Variants in RFC5 observed in about 807,000 individuals in gnomAD.
RFC5 encodes replication factor C subunit 5, also known as A1 36 kDa subunit.
RFC5 carries 26 observed loss-of-function variants against 44.3 expected under a neutral mutation model. That is an observed-to-expected ratio of 0.59 (90% confidence interval 0.43 to 0.81). The LOEUF is 0.81. Among genes scored for constraint, RFC5 ranks in the 40% least tolerant of loss-of-function variants. The probability of loss-of-function intolerance (pLI) is 0.00; values close to 1 mark genes in which losing one functional copy is unlikely to be tolerated. For synonymous variants in RFC5, 155 were observed against 155.2 expected (o/e 1.00, Z 0.01); for missense variants, 328 against 418.6 (o/e 0.78, Z 1.89).
At chr12:118,024,553 G>A (rs1028283021) in intron 5 of RFC5, among the ~76,000 whole-genome samples, 3 of 151,700 alleles carry the variant, frequency 2.0e-5, no homozygotes, top group Non-Finnish European at 4.4e-5. Flanking sequence ...AGCCTCCCAA[G>A]TAGCTGGGAT....
At chr12:118,027,072 T>C in intron 8 of RFC5, 54 bp downstream of exon 8, 1 of 1,574,082 alleles carries the variant, frequency 6.4e-7, no homozygotes, top group Non-Finnish European at 8.6e-7. Flanking sequence ...GCCCCAGGAG[T>C]TCAGGTTGCA....
chr12:118,039,843 A>T, the RFC5 span, among the ~76,000 whole-genome samples: 1 of 151,358 alleles, frequency 6.6e-6, no homozygotes, highest in East Asian at 2.0e-4. Flanking sequence ...TCCTGGGTTC[A>T]AGCGATTCTC....
At chr12:118,032,884 A>T (rs2031396414), downstream of RFC5, 1 of 152,088 alleles carries the variant, frequency 6.6e-6, no homozygotes, top group Non-Finnish European at 1.5e-5. Context: ...CTTAATGGAA[A>T]AAAATGAAAC....
rs1201105703 is a variant in RFC5, at chr12:118,025,805, C to T, written c.640C>T (p.Arg214Cys). The T allele has an allele frequency of 1.3e-6, 2 of 1,581,504 alleles. No individual in the cohort carries two copies. The highest frequency in any genetic ancestry group is 1.7e-6 in the Non-Finnish European group (2 of 1,153,200). Reference protein sequence around the residue: ...ALVTLSSGDMRRALNILQSTN... With the variant: ...ALVTLSSGDMCRALNILQSTN... ...AGTCACTCTTTCCAGTGGAGACATG[C>T]GTAGGGCTCTGAACATTTTGCAGGT... Residue 214 changes from arginine (R) to cysteine (C), a missense_variant, in exon 7 of 11, where the codon CGT (arginine) becomes TGT (cysteine). Coordinates refer to ENST00000454402, the MANE Select transcript of RFC5 (RefSeq NM_007370.7).
downstream of RFC5, among the ~76,000 whole-genome samples, chr12:118,037,680 A>AG (rs1197278765): frequency 3.3e-5 from 5 of 149,874 alleles, no homozygotes; most frequent in East Asian, 9.7e-4. Flanking sequence ...AAAAAAAAAA[A>AG]AAGAAAAGAA....
chr12:118,041,439 G>T, the RFC5 span, among the ~76,000 whole-genome samples: 13 of 152,306 alleles, frequency 8.5e-5, no homozygotes, highest in East Asian at 5.8e-4. Flanking sequence ...AATGTCTGTT[G>T]TTTAAGCCAC....
At chr12:118,030,798 CCAG>C (rs1474633678) in intron 10 of RFC5, among the ~76,000 whole-genome samples, 1 of 152,088 alleles carries the variant, frequency 6.6e-6, no homozygotes, top group African/African-American at 2.4e-5. Flanking sequence ...ACTACCATGC[CCAG>C]CTAATTTTTG....
chr12:118,030,813 T>A (rs1251658998), intron 10 of RFC5, among the ~76,000 whole-genome samples: 1 of 152,098 alleles, frequency 6.6e-6, no homozygotes, highest in South Asian at 2.1e-4. Context: ...TAATTTTTGT[T>A]TTTTGTTTGT....
At position 118,027,198 on chromosome 12, in the gene RFC5, GTTC is replaced by G. The variant is rs1049892390; in HGVS notation, c.793+186_793+188del. The G allele has an allele frequency of 1.5e-4, 90 of 602,698 alleles. 1 individual carries two copies. In the South Asian group the frequency reaches 1.5e-3, roughly 10 times the overall value. The allele number at this position is 602,698 out of a possible 1,614,324, so 37.3% of individuals were successfully genotyped here. On this transcript the variant is annotated intron_variant, in intron 8 of 10. Transcript: ENST00000454402. ...GGGTACTTGTCTTTAGCACTCCAGA[GTTC>G]TTCTTGGAGGGCTCTGACCTTCAAG...
At chr12:118,034,270 G>T, downstream of RFC5, 1 of 1,614,188 alleles carries the variant, frequency 6.2e-7, no homozygotes, top group Non-Finnish European at 8.5e-7. Context: ...TAAGTTGTTA[G>T]GAAACTTCGA....
rs1566130226 is a variant in RFC5, at chr12:118,029,808, C to T, written c.909C>T (p.Thr303=). 6.2e-7 allele frequency: 1 copy of T among 1,608,856 alleles called. No individual in the cohort carries two copies. Among genetic ancestry groups the T allele is most frequent in the South Asian group, 1.1e-5 (1 of 90,992 alleles). ...CTTCAGTTCGAATACATTTATTGACCAAAATGGCAGACATTGAGTGAGTAC... is the reference window on the plus strand; with the variant it reads ...CTTCAGTTCGAATACATTTATTGACTAAAATGGCAGACATTGAGTGAGTAC... ...FPSSVRIHLL[T]KMADIEYRLS... is the part of the protein sequence containing the mutation. The change falls in exon 10 of 11, where the codon ACC becomes ACT. Residue 303 remains threonine, a synonymous_variant. Transcript: ENST00000454402.
chr12:118,019,231 A>C lies in RFC5; in HGVS notation c.130+95A>C. ...CTCTCCTAAGTAATAACTTCAAAGA[A>C]TCTGATTGCGCTTTGTAGAATGTGG... On this transcript the variant is annotated intron_variant, in intron 2 of 10. Transcript: ENST00000454402. This position sits in a 1 kb window ranked among gnomAD's most constrained non-coding sequence, Gnocchi z 4.2. 2 of 896,652 alleles carry C rather than the reference A, an allele frequency of 2.2e-6. No individual in the cohort carries two copies. The highest frequency in any genetic ancestry group is 3.7e-6 in the Non-Finnish European group (2 of 538,888). The allele number at this position is 896,652 out of a possible 1,614,324, so 55.5% of individuals were successfully genotyped here. A position where few individuals can be genotyped will look rare whatever the true frequency, so the allele number is the denominator to read the frequency against.
intron 1 of RFC5, chr12:118,017,726 A>C (rs1420021938): frequency 9.9e-6 from 7 of 706,510 alleles, no homozygotes; most frequent in Non-Finnish European, 1.6e-5. Flanking sequence ...GCTGGAGCGC[A>C]GTGGTGTGAT....
chr12:118,039,144 A>G, the RFC5 span, among the ~76,000 whole-genome samples: 3 of 152,144 alleles, frequency 2.0e-5, no homozygotes, highest in African/African-American at 7.2e-5. Context: ...TCACCCTCCC[A>G]GCCTTGCCAG....
intron 1 of RFC5, among the ~76,000 whole-genome samples, chr12:118,017,354 A>G (rs958374676): frequency 1.3e-5 from 2 of 152,250 alleles, no homozygotes; most frequent in East Asian, 3.8e-4. Flanking sequence ...CGATCCTTAC[A>G]AAGACCGTAG....
the RFC5 span, chr12:118,038,412 A>C: frequency 6.2e-7 from 1 of 1,607,180 alleles, no homozygotes; most frequent in Non-Finnish European, 8.5e-7. Context: ...GAAGCAAACA[A>C]TGAGCCAGTC....
chr12:118,039,185 C>T, the RFC5 span, among the ~76,000 whole-genome samples: 1 of 152,154 alleles, frequency 6.6e-6, no homozygotes, highest in Non-Finnish European at 1.5e-5. Flanking sequence ...TGTGGAGTCA[C>T]TAGGGGCACA....
chr12:118,031,254 A>G lies in RFC5; in HGVS notation c.999A>G (p.Arg333=). The G allele has an allele frequency of 6.2e-7, 1 of 1,613,332 alleles. No individual in the cohort carries two copies. The highest frequency in any genetic ancestry group is 8.5e-7 in the Non-Finnish European group (1 of 1,179,354). Residue 333 remains arginine, a synonymous_variant, in exon 11 of 11, where the codon AGA becomes AGG. Coordinates refer to ENST00000454402, the MANE Select transcript of RFC5 (RefSeq NM_007370.7). ...SSLIAAFQVT[R]DLIVAEA is the part of the protein sequence containing the mutation. Reference sequence around the variant, plus strand: ...TCATTGCTGCATTTCAAGTCACCAGAGACCTGATTGTTGCAGAGGCCTAGA... The same window carrying G: ...TCATTGCTGCATTTCAAGTCACCAGGGACCTGATTGTTGCAGAGGCCTAGA...
At chr12:118,032,868 T>G (rs147211979), downstream of RFC5, 1 of 152,246 alleles carries the variant, frequency 6.6e-6, no homozygotes, top group East Asian at 1.9e-4. Context: ...GGGGACTTTT[T>G]TTTTTCTTAA....
Sources: allele counts gnomAD v4.1 joint callset (sites outside exome capture counted in the v4.1 genomes callset), GRCh38; gene constraint gnomAD v4.1.1; non-coding constraint Gnocchi (gnomAD v3.1); transcripts MANE v1.5; gene names NCBI Gene and HGNC (gene_info 2026-07-23, HGNC 2026-07-21).